Variants in PBX2 observed in about 807,000 individuals in gnomAD.
PBX2 encodes PBX homeobox 2.
A neutral mutation model predicts 46.5 loss-of-function variants in PBX2; 10 were observed. The observed-to-expected ratio is 0.21, with a 90% CI of 0.13 to 0.36. The LOEUF is 0.36. Among genes scored for constraint, PBX2 ranks in the 10% least tolerant of loss-of-function variants. The probability of loss-of-function intolerance (pLI) is 1.00; values close to 1 mark genes in which losing one functional copy is unlikely to be tolerated. For synonymous variants in PBX2, 160 were observed against 222.5 expected (o/e 0.72, Z 2.50); for missense variants, 392 against 580.5 (o/e 0.68, Z 3.34).
At position 32,187,125 on chromosome 6, in the gene PBX2, G is replaced by T; in HGVS notation, c.1024+117C>A. The T allele has an allele frequency of 7.6e-7, 1 of 1,311,614 alleles. No homozygotes were observed. The highest frequency in any genetic ancestry group is 1.1e-6 in the Non-Finnish European group (1 of 940,162). The allele number at this position is 1,311,614 out of a possible 1,614,324, so 81.2% of individuals were successfully genotyped here. On this transcript the variant is annotated intron_variant, in intron 6 of 8. Coordinates refer to ENST00000375050, the MANE Select transcript of PBX2 (RefSeq NM_002586.5). This position sits in a 1 kb window ranked among gnomAD's most constrained non-coding sequence, Gnocchi z 7.7. ...CCCCTGACATCTCCAGCCTATCTCA[G>T]CTCGGTCCCTCTCACCCCAAAAGGC...
chr6:32,187,724 A>T lies in PBX2; in HGVS notation c.793T>A (p.Ser265Thr). 1 of 1,611,556 alleles carries T rather than the reference A, an allele frequency of 6.2e-7. No homozygotes were observed. Among genetic ancestry groups the T allele is most frequent in the Non-Finnish European group, 8.5e-7 (1 of 1,179,420 alleles). ...CTAGGATATGGGTTACTCAGGTGGG[A>T]GTAGAAATACTCATTTAGGACCTCA... ...ATEVLNEYFY[S>T]HLSNPYPSEE... Residue 265 changes from serine to threonine, a missense_variant, in exon 5 of 9, where the codon TCC (serine) becomes ACC (threonine). By Grantham distance (58) the Ser-to-Thr change is moderately conservative. Coordinates refer to ENST00000375050, the MANE Select transcript of PBX2 (RefSeq NM_002586.5). This position sits in a 1 kb window ranked among gnomAD's most constrained non-coding sequence, Gnocchi z 7.7.
At position 32,189,891 on chromosome 6, in the gene PBX2, G is replaced by A; in HGVS notation, c.25C>T (p.Pro9Ser). MDERLLGP[P>S]PPGGGRGGLG... ...CCCCCCCGGCCCCCGCCTGGAGGGGGCGGCCCCAGTAGCCGTTCGTCCATA... is the reference window on the plus strand; with the variant it reads ...CCCCCCCGGCCCCCGCCTGGAGGGGACGGCCCCAGTAGCCGTTCGTCCATA... The change falls in exon 1 of 9, where the codon CCC (proline) becomes TCC (serine). Residue 9 changes from proline to serine, a missense_variant. Transcript: ENST00000375050. The surrounding 1 kb of genome is among the most constrained non-coding windows in gnomAD (Gnocchi z 4.7). The A allele has an allele frequency of 7.0e-7, 1 of 1,427,084 alleles. No individual in the cohort carries two copies. Among genetic ancestry groups the A allele is most frequent in the Non-Finnish European group, 9.2e-7 (1 of 1,081,274 alleles). 88.4% of individuals were successfully genotyped at this position (1,427,084 alleles called of 1,614,324 possible).
Position 32,188,377 on chromosome 6 carries a change from T to TGCA in PBX2, c.420_422dup (p.Ala145dup). On this transcript the variant is annotated inframe_insertion, in exon 3 of 9. Transcript: ENST00000375050. This position sits in a 1 kb window ranked among gnomAD's most constrained non-coding sequence, Gnocchi z 6.5. ...CACCACCACCAGAGGCTGCAGCGGC[T>TGCA]GCAGCTGCTGCTGCTGAGCCGCCCC... The TGCA allele has an allele frequency of 6.2e-7, 1 of 1,614,008 alleles. No homozygotes were observed. The highest frequency in any genetic ancestry group is 2.2e-5 in the East Asian group (1 of 44,892).
chr6:32,188,909 T>A lies in PBX2; in HGVS notation c.222-113A>T. On this transcript the variant is annotated intron_variant, in intron 1 of 8. Coordinates refer to ENST00000375050, the MANE Select transcript of PBX2 (RefSeq NM_002586.5). This position sits in a 1 kb window ranked among gnomAD's most constrained non-coding sequence, Gnocchi z 6.5. ...CAGTCTGCGGAGGGAGGAAGCGGATTGGGGGTGGAATGAGTTGGGGGTGGA... is the reference window on the plus strand; with the variant it reads ...CAGTCTGCGGAGGGAGGAAGCGGATAGGGGGTGGAATGAGTTGGGGGTGGA... 1.2e-6 allele frequency: 1 copy of A among 858,274 alleles called. No homozygotes were observed. The highest frequency in any genetic ancestry group is 2.0e-6 in the Non-Finnish European group (1 of 510,584). The allele number at this position is 858,274 out of a possible 1,614,324, so 53.2% of individuals were successfully genotyped here. A position where few individuals can be genotyped will look rare whatever the true frequency, so the allele number is the denominator to read the frequency against.
In PBX2 at chr6:32,190,158, A is replaced by C. The variant is rs1787381782; in HGVS notation, c.-243T>G. 5.7e-6 allele frequency: 2 copies of C among 348,338 alleles called. No individual in the cohort carries two copies. Among genetic ancestry groups the C allele is most frequent in the Non-Finnish European group, 5.2e-6 (1 of 193,516 alleles). 21.6% of individuals were successfully genotyped at this position (348,338 alleles called of 1,614,324 possible). A position where few individuals can be genotyped will look rare whatever the true frequency, so the allele number is the denominator to read the frequency against. On this transcript the variant is annotated 5_prime_UTR_variant, in exon 1 of 9. Transcript: ENST00000375050. ...GAAAATGGAGCCGGAGAGAGAGAGGAGGCCCAAGCGGGGGTGTGTGTGAGA... is the reference window on the plus strand; with the variant it reads ...GAAAATGGAGCCGGAGAGAGAGAGGCGGCCCAAGCGGGGGTGTGTGTGAGA...
At position 32,188,279 on chromosome 6, in the gene PBX2, G is replaced by A. The variant is rs759888336; in HGVS notation, c.521C>T (p.Ser174Leu). The A allele has an allele frequency of 8.1e-6, 13 of 1,613,760 alleles. No homozygotes were observed. The highest frequency in any genetic ancestry group is 1.3e-5 in the African/African-American group (1 of 74,896). Residue 174 changes from serine to leucine, a missense_variant, in exon 3 of 9, where the codon TCG becomes TTG. Coordinates refer to ENST00000375050, the MANE Select transcript of PBX2 (RefSeq NM_002586.5). This position sits in a 1 kb window ranked among gnomAD's most constrained non-coding sequence, Gnocchi z 6.5. ...TACCTGCTCATACTTCTCCAGCTCC[G>A]AGTGGTATATGTGACGGATCTGGGC... Reference protein sequence around the residue: ...KLAQIRHIYHSELEKYEQACN... With the variant: ...KLAQIRHIYHLELEKYEQACN...
In PBX2 at chr6:32,188,630, A is replaced by C. The variant is rs1340894619; in HGVS notation, c.295+93T>G. 2.5e-6 allele frequency: 4 copies of C among 1,571,532 alleles called. No homozygotes were observed. The African/African-American group carries it at 5.4e-5, about 21-fold the overall frequency. On this transcript the variant is annotated intron_variant, in intron 2 of 8. Transcript: ENST00000375050. The surrounding 1 kb of genome is among the most constrained non-coding windows in gnomAD (Gnocchi z 6.5). ...CCTTCCCCAGTCCCCCTGACTCCTT[A>C]CTTTCCTCAGGGCCCCAAGTTGTCA...
In PBX2 at chr6:32,186,991, A is replaced by G. The variant is rs953518482; in HGVS notation, c.1025-90T>C. 1.5e-5 allele frequency: 18 copies of G among 1,197,356 alleles called. No homozygotes were observed. The African/African-American group carries it at 1.8e-4, about 12-fold the overall frequency. The allele number at this position is 1,197,356 out of a possible 1,614,324, so 74.2% of individuals were successfully genotyped here. Reference sequence around the variant, plus strand: ...TCAACTCTTGTGGGGACATGCTACTATACTCCAATTATCCACAAAATAACA... The same window carrying G: ...TCAACTCTTGTGGGGACATGCTACTGTACTCCAATTATCCACAAAATAACA... On this transcript the variant is annotated intron_variant, in intron 6 of 8. Transcript: ENST00000375050. This position sits in a 1 kb window ranked among gnomAD's most constrained non-coding sequence, Gnocchi z 4.2.
rs1787177680 is a variant in PBX2, at chr6:32,187,113, C to T, written c.1024+129G>A. ...AATGGCCTCTGTCCCCTGACATCTC[C>T]AGCCTATCTCAGCTCGGTCCCTCTC... On this transcript the variant is annotated intron_variant, in intron 6 of 8. Coordinates refer to ENST00000375050, the MANE Select transcript of PBX2 (RefSeq NM_002586.5). The surrounding 1 kb of genome is among the most constrained non-coding windows in gnomAD (Gnocchi z 7.7). 3.3e-6 allele frequency: 4 copies of T among 1,227,692 alleles called. No individual in the cohort carries two copies. Among genetic ancestry groups the T allele is most frequent in the Non-Finnish European group, 4.6e-6 (4 of 871,110 alleles). 76.0% of individuals were successfully genotyped at this position (1,227,692 alleles called of 1,614,324 possible).
Position 32,186,563 on chromosome 6 carries a change from C to T in PBX2, c.1200+41G>A, listed in dbSNP as rs1412004373. ...TTACTAGGGAAAATGCCCCTCTGTC[C>T]TGTGAGAACTGGACAGAGAGGAGCT... On this transcript the variant is annotated intron_variant, in intron 8 of 8. Coordinates refer to ENST00000375050, the MANE Select transcript of PBX2 (RefSeq NM_002586.5). The surrounding 1 kb of genome is among the most constrained non-coding windows in gnomAD (Gnocchi z 4.2). The T allele has an allele frequency of 6.4e-7, 1 of 1,574,734 alleles. No individual in the cohort carries two copies. The highest frequency in any genetic ancestry group is 8.7e-7 in the Non-Finnish European group (1 of 1,144,250).
Position 32,187,029 on chromosome 6 carries a change from G to GA in PBX2, c.1025-129dup. ...CCACAAAATAACATTCCAACACACA[G>GA]AAAGAGCAGGCTGTTCCTTGGCCAC... On this transcript the variant is annotated intron_variant, in intron 6 of 8. Transcript: ENST00000375050. This position sits in a 1 kb window ranked among gnomAD's most constrained non-coding sequence, Gnocchi z 7.7. 3 of 1,052,662 alleles carry GA rather than the reference G, an allele frequency of 2.8e-6. No homozygotes were observed. Among genetic ancestry groups the GA allele is most frequent in the Non-Finnish European group, 4.2e-6 (3 of 711,470 alleles). 65.2% of individuals were successfully genotyped at this position (1,052,662 alleles called of 1,614,324 possible). A position where few individuals can be genotyped will look rare whatever the true frequency, so the allele number is the denominator to read the frequency against.
At position 32,187,104 on chromosome 6, in the gene PBX2, T is replaced by C; in HGVS notation, c.1024+138A>G. The stretch of plus-strand genomic sequence containing the variant: ...GATCACTGGAATGGCCTCTGTCCCC[T>C]GACATCTCCAGCCTATCTCAGCTCG... On this transcript the variant is annotated intron_variant, in intron 6 of 8. Transcript: ENST00000375050. This position sits in a 1 kb window ranked among gnomAD's most constrained non-coding sequence, Gnocchi z 7.7. The C allele has an allele frequency of 2.5e-6, 3 of 1,188,724 alleles. No homozygotes were observed. The highest frequency in any genetic ancestry group is 3.6e-6 in the Non-Finnish European group (3 of 838,122). The allele number at this position is 1,188,724 out of a possible 1,614,324, so 73.6% of individuals were successfully genotyped here. A position where few individuals can be genotyped will look rare whatever the true frequency, so the allele number is the denominator to read the frequency against.
Position 32,188,707 on chromosome 6 carries a change from G to C in PBX2, c.295+16C>G. On this transcript the variant is annotated intron_variant, in intron 2 of 8. Coordinates refer to ENST00000375050, the MANE Select transcript of PBX2 (RefSeq NM_002586.5). This position sits in a 1 kb window ranked among gnomAD's most constrained non-coding sequence, Gnocchi z 6.5. ...TCTGTTCCCAGAGTTGAGCAATCCG[G>C]GGGGGGCCCACATACCAGTTTTCTC... is the stretch of plus-strand genomic sequence containing the variant. The C allele has an allele frequency of 1.2e-6, 2 of 1,612,058 alleles. No homozygotes were observed. Among genetic ancestry groups the C allele is most frequent in the Non-Finnish European group, 1.7e-6 (2 of 1,179,176 alleles).
Position 32,188,802 on chromosome 6 carries a change from G to A in PBX2, c.222-6C>T. ...GGCAGTTTAGGGCGTGTTTCCTTGG[G>A]AGGAGTGGGAGTGGGGAAAGAGAAA... On this transcript the variant is annotated splice_polypyrimidine_tract_variant and splice_region_variant and intron_variant, in intron 1 of 8. Transcript: ENST00000375050. This position sits in a 1 kb window ranked among gnomAD's most constrained non-coding sequence, Gnocchi z 6.5. The A allele has an allele frequency of 6.2e-7, 1 of 1,612,710 alleles. No individual in the cohort carries two copies. The highest frequency in any genetic ancestry group is 8.5e-7 in the Non-Finnish European group (1 of 1,179,762).
At position 32,185,015 on chromosome 6, in the gene PBX2, G is replaced by A. The variant is rs566126899; in HGVS notation, c.*1367C>T. 6.6e-6 allele frequency: 1 copy of A among 152,548 alleles called. No individual in the cohort carries two copies. The highest frequency in any genetic ancestry group is 2.1e-4 in the South Asian group (1 of 4,814). The allele number at this position is 152,548 out of a possible 1,614,324, so 9.4% of individuals were successfully genotyped here. A position where few individuals can be genotyped will look rare whatever the true frequency, so the allele number is the denominator to read the frequency against. On this transcript the variant is annotated 3_prime_UTR_variant, in exon 9 of 9. Transcript: ENST00000375050. The stretch of plus-strand genomic sequence containing the variant: ...TTGATGTTACTTTTCCCCCACATCT[G>A]GCTTTTTGCAACCTCCTCCCTCTCC...
At position 32,185,642 on chromosome 6, in the gene PBX2, A is replaced by G. The variant is rs139100746; in HGVS notation, c.*740T>C. On this transcript the variant is annotated 3_prime_UTR_variant, in exon 9 of 9. Coordinates refer to ENST00000375050, the MANE Select transcript of PBX2 (RefSeq NM_002586.5). ...CCACCACCACCACCAACAACAACAAAAACAACAACAACAACAAAAAAAACA... is the reference window on the plus strand; with the variant it reads ...CCACCACCACCACCAACAACAACAAGAACAACAACAACAACAAAAAAAACA... The G allele has an allele frequency of 2.6e-5, 4 of 151,252 alleles. No homozygotes were observed. 9.4% of individuals were successfully genotyped at this position (151,252 alleles called of 1,614,324 possible).
chr6:32,187,852 C>A lies in PBX2; in HGVS notation c.735-70G>T. 1 of 1,579,890 alleles carries A rather than the reference C, an allele frequency of 6.3e-7. No individual in the cohort carries two copies. Among genetic ancestry groups the A allele is most frequent in the South Asian group, 1.2e-5 (1 of 85,560 alleles). On this transcript the variant is annotated intron_variant, in intron 4 of 8. Transcript: ENST00000375050. The surrounding 1 kb of genome is among the most constrained non-coding windows in gnomAD (Gnocchi z 7.7). Reference sequence around the variant, plus strand: ...GGCAGGGCTGTCACATGGCATGACCCCAGAGTCACCATTGTCATGGAGTAC... The same window carrying A: ...GGCAGGGCTGTCACATGGCATGACCACAGAGTCACCATTGTCATGGAGTAC...
chr6:32,187,287 C>G lies in PBX2; in HGVS notation c.979G>C (p.Gly327Arg). 2 of 1,612,996 alleles carry G rather than the reference C, an allele frequency of 1.2e-6. No homozygotes were observed. Among genetic ancestry groups the G allele is most frequent in the Non-Finnish European group, 1.7e-6 (2 of 1,180,004 alleles). ...AVKTAVSVTQ[G>R]GHSRTSSPTP... ...GGGGAGCTGGTGCGGCTGTGGCCCC[C>G]CTGGGTGACTGACACGGCGGTCTTG... The change falls in exon 6 of 9, where the codon GGG becomes CGG. Residue 327 changes from glycine (G) to arginine (R), a missense_variant. By Grantham distance (125) the Gly-to-Arg change is moderately radical. Coordinates refer to ENST00000375050, the MANE Select transcript of PBX2 (RefSeq NM_002586.5). The surrounding 1 kb of genome is among the most constrained non-coding windows in gnomAD (Gnocchi z 7.7).
At position 32,187,569 on chromosome 6, in the gene PBX2, A is replaced by C. The variant is rs1283991420; in HGVS notation, c.870+78T>G. ...CACTTCAGCCTCCCTAGTAGCTGGGATTACAGGAACACACCACTGCACCTA... is the reference window on the plus strand; with the variant it reads ...CACTTCAGCCTCCCTAGTAGCTGGGCTTACAGGAACACACCACTGCACCTA... On this transcript the variant is annotated intron_variant, in intron 5 of 8. Transcript: ENST00000375050. The surrounding 1 kb of genome is among the most constrained non-coding windows in gnomAD (Gnocchi z 7.7). 15 of 1,532,406 alleles carry C rather than the reference A, an allele frequency of 9.8e-6. No individual in the cohort carries two copies. The highest frequency in any genetic ancestry group is 1.3e-5 in the Non-Finnish European group (15 of 1,134,448). 94.9% of individuals were successfully genotyped at this position (1,532,406 alleles called of 1,614,324 possible).
Sources: allele counts gnomAD v4.1 joint callset, GRCh38; gene constraint gnomAD v4.1.1; non-coding constraint Gnocchi (gnomAD v3.1); transcripts MANE v1.5; gene names NCBI Gene and HGNC (gene_info 2026-07-23, HGNC 2026-07-21).